Variants in PCDHA7 observed in about 807,000 individuals in gnomAD.
PCDHA7 encodes the protein protocadherin alpha-7.
A neutral mutation model predicts 57.2 loss-of-function variants in PCDHA7; 37 were observed. That is an observed-to-expected ratio of 0.65 (90% CI 0.50 to 0.85). PCDHA7 has a LOEUF of 0.85. Ranked by LOEUF, PCDHA7 falls within the 40% of genes least tolerant of loss-of-function variation. The probability of loss-of-function intolerance (pLI) is 0.00; values close to 1 mark genes in which losing one functional copy is unlikely to be tolerated. For synonymous variants in PCDHA7, 553 were observed against 558.8 expected, an observed-to-expected ratio of 0.99 and a Z score of 0.15; for missense variants, 1,188 against 1,241.8, an observed-to-expected ratio of 0.96 and a Z score of 0.65.
intron 1 of PCDHA7, chr5:140,877,335 G>C (rs115718636): frequency 0.047 from 75,474 of 1,613,976 alleles, 2,017 homozygotes; most frequent in Middle Eastern, 0.086. Flanking sequence ...CGCACATCCC[G>C]TTCCACGTGG....
chr5:140,889,032 AT>A (rs1357652460), intron 1 of PCDHA7, among the ~76,000 whole-genome samples: 12 of 152,198 alleles, frequency 7.9e-5, no homozygotes, highest in South Asian at 6.2e-4. Context: ...GATAACCGTA[AT>A]TTGATTATAA....
intron 1 of PCDHA7, among the ~76,000 whole-genome samples, chr5:140,886,052 CT>C (rs1247635205): frequency 6.6e-6 from 1 of 152,122 alleles, no homozygotes; most frequent in Non-Finnish European, 1.5e-5. Flanking sequence ...ATAGTAACAT[CT>C]TACAAAAGCG....
chr5:140,876,473 G>A, intron 1 of PCDHA7: 1 of 1,614,038 alleles, frequency 6.2e-7, no homozygotes, highest in South Asian at 1.1e-5. Context: ...GCAGGTCACA[G>A]CATGGTCCTG....
chr5:140,916,220 A>G (rs886998484), intron 1 of PCDHA7, among the ~76,000 whole-genome samples: 11 of 152,084 alleles, frequency 7.2e-5, no homozygotes, highest in African/African-American at 2.7e-4. Context: ...AGATCCAAAT[A>G]TGCTTTCCAG....
intron 1 of PCDHA7, chr5:140,850,329 C>T: frequency 6.3e-7 from 1 of 1,597,650 alleles, no homozygotes; most frequent in Non-Finnish European, 8.6e-7. Context: ...ATACGAGCTG[C>T]AGCCAGAAAC....
At chr5:140,928,760 T>G (rs782568767) in intron 1 of PCDHA7, 6 of 1,614,060 alleles carry the variant, frequency 3.7e-6, no homozygotes, top group Non-Finnish European at 5.1e-6. Flanking sequence ...ACTGCTCGCT[T>G]AGTTCTTCCC....
intron 1 of PCDHA7, among the ~76,000 whole-genome samples, chr5:140,901,404 G>C (rs1047085666): frequency 6.6e-6 from 1 of 152,166 alleles, no homozygotes; most frequent in East Asian, 1.9e-4. Flanking sequence ...GTGAGAGATA[G>C]GGGTCTAGTT....
chr5:140,925,673 T>TAATAAA (rs2082657999), intron 1 of PCDHA7, among the ~76,000 whole-genome samples: 1 of 146,030 alleles, frequency 6.8e-6, no homozygotes, highest in Non-Finnish European at 1.5e-5. Context: ...ATAATAATAA[T>TAATAAA]AATAAAGCGA....
At chr5:140,888,436 G>A (rs782695641) in intron 1 of PCDHA7, among the ~76,000 whole-genome samples, 5 of 152,104 alleles carry the variant, frequency 3.3e-5, no homozygotes, top group Non-Finnish European at 7.4e-5. Flanking sequence ...CAGGACAGCC[G>A]CCCAACAATA....
chr5:140,875,685 C>A (rs563250653), intron 1 of PCDHA7: 1 of 1,613,934 alleles, frequency 6.2e-7, no homozygotes, highest in East Asian at 2.2e-5. Context: ...CCAAAAGACA[C>A]GGGGACCTTC....
intron 3 of PCDHA7, among the ~76,000 whole-genome samples, chr5:141,000,395 CTATATATATA>C (rs1190667031): frequency 1.9e-5 from 1 of 53,986 alleles, no homozygotes; most frequent in Non-Finnish European, 3.2e-5. Context: ...CTCTCTCTCT[CTATATATATA>C]TATATATATA....
intron 1 of PCDHA7, chr5:140,928,747 C>T (rs781895762): frequency 2.5e-6 from 4 of 1,614,132 alleles, no homozygotes; most frequent in African/African-American, 2.7e-5. Context: ...AGGTGAGCTC[C>T]GTACTGCTCG....
intron 1 of PCDHA7, among the ~76,000 whole-genome samples, chr5:140,893,569 A>G (rs750933580): frequency 3.3e-5 from 5 of 152,120 alleles, no homozygotes; most frequent in Non-Finnish European, 7.4e-5. Flanking sequence ...GTACTTCCTC[A>G]GTTTTTGCTT....
intron 1 of PCDHA7, chr5:140,862,621 C>G (rs1452170238): frequency 1.9e-6 from 1 of 528,602 alleles, no homozygotes; most frequent in Admixed American, 2.0e-5. Context: ...TAACAACCCG[C>G]GGGGCTGCCA....
At chr5:140,849,667 C>T in intron 1 of PCDHA7, 1 of 1,598,692 alleles carries the variant, frequency 6.3e-7, no homozygotes, top group South Asian at 1.1e-5. Context: ...TCCCTGACGC[C>T]CCACGTCCCC....
chr5:140,914,115 G>A (rs1287523867), intron 1 of PCDHA7, among the ~76,000 whole-genome samples: 1 of 152,168 alleles, frequency 6.6e-6, no homozygotes, highest in Non-Finnish European at 1.5e-5. Flanking sequence ...GATTAAGTCT[G>A]ATGTTTCTTT....
At chr5:140,928,603 C>T in intron 1 of PCDHA7, 2 of 1,614,208 alleles carry the variant, frequency 1.2e-6, no homozygotes, top group Admixed American at 3.3e-5. Context: ...GGAAATTGTG[C>T]CCCGCTCTGC....
intron 1 of PCDHA7, among the ~76,000 whole-genome samples, chr5:140,872,716 A>G (rs1309493361): frequency 6.6e-6 from 1 of 152,266 alleles, no homozygotes; most frequent in Non-Finnish European, 1.5e-5. Context: ...AACTAGGTAA[A>G]TAAAATTATT....
At chr5:140,928,406 G>A (rs782285182) in intron 1 of PCDHA7, 1 of 1,614,050 alleles carries the variant, frequency 6.2e-7, no homozygotes, top group South Asian at 1.1e-5. Flanking sequence ...TCATCCAGTG[G>A]GGCCATCACT....
Sources: allele counts gnomAD v4.1 joint callset (sites outside exome capture counted in the v4.1 genomes callset), GRCh38; gene constraint gnomAD v4.1.1; transcripts MANE v1.5; gene names NCBI Gene and HGNC (gene_info 2026-07-23, HGNC 2026-07-21).